The following CPNE8 variants were observed in gnomAD, a reference collection of about 807,000 sequenced individuals.
CPNE8 encodes the protein copine-8.
In CPNE8, 45 loss-of-function variants were observed where a neutral mutation model predicts 81.5. The ratio of observed to expected loss-of-function variants is 0.55; its 90% CI spans 0.44 to 0.71. The LOEUF (loss-of-function observed/expected upper bound fraction) is 0.71. CPNE8 is among the 30% of genes least tolerant of loss of function. The pLI is 0.00. For synonymous variants in CPNE8, 252 were observed against 226.3 expected, an observed-to-expected ratio of 1.11 and a Z score of -1.02; for missense variants, 594 against 672.1, an observed-to-expected ratio of 0.88 and a Z score of 1.28.
chr12:38,833,785 T>A (rs1449728426), intron 5 of CPNE8, among the ~76,000 whole-genome samples: 1 of 152,012 alleles, frequency 6.6e-6, no homozygotes, highest in Non-Finnish European at 1.5e-5. Context: ...GCCACCAATT[T>A]TTAAAAATTA....
At chr12:38,661,796 G>T (rs1938960219) in intron 19 of CPNE8, among the ~76,000 whole-genome samples, 1 of 151,276 alleles carries the variant, frequency 6.6e-6, no homozygotes, top group African/African-American at 2.4e-5. Flanking sequence ...ACATCAAAAA[G>T]ATTATACACC....
rs1941559028 is a variant in CPNE8, at chr12:38,760,905, CAT to C, written c.681-19_681-18del. 1 of 1,539,918 alleles carries C rather than the reference CAT, an allele frequency of 6.5e-7. No homozygotes were observed. The highest frequency in any genetic ancestry group is 2.3e-5 in the Admixed American group (1 of 42,790). On this transcript the variant is annotated intron_variant, in intron 9 of 19. Transcript: ENST00000331366. ...TTGATTGTTCTGTACATGAGAAAAA[CAT>C]ACACATAAAGTTACTTAGTAAGATC...
At chr12:38,852,428 CAAAAAA>C (rs138401295) in intron 3 of CPNE8, among the ~76,000 whole-genome samples, 1 of 75,210 alleles carries the variant, frequency 1.3e-5, no homozygotes. Flanking sequence ...AGCTCTGTCT[CAAAAAA>C]AAAAAAAAAA....
Position 38,829,370 on chromosome 12 carries a change from A to C in CPNE8, c.407+9T>G. ...TGGCATTTCATTGTCTGAATTAAAA[A>C]ATACTTACACTATTGGTTTTTCCAG... On this transcript the variant is annotated intron_variant, in intron 6 of 19. Transcript: ENST00000331366. 1 of 1,589,618 alleles carries C rather than the reference A, an allele frequency of 6.3e-7. No homozygotes were observed.
chr12:38,772,103 T>C (rs1425941042), intron 7 of CPNE8, among the ~76,000 whole-genome samples: 1 of 152,106 alleles, frequency 6.6e-6, no homozygotes, highest in Non-Finnish European at 1.5e-5. Context: ...TAAGAGTGGG[T>C]TTTTATAAAG....
chr12:38,738,080 G>A (rs1940996607), intron 10 of CPNE8, among the ~76,000 whole-genome samples: 1 of 152,152 alleles, frequency 6.6e-6, no homozygotes, highest in African/African-American at 2.4e-5. Context: ...TTGTGGAGCC[G>A]GCTACCAGTT....
intron 6 of CPNE8, among the ~76,000 whole-genome samples, chr12:38,820,858 C>G (rs1381462587): frequency 6.6e-6 from 1 of 152,196 alleles, no homozygotes; most frequent in African/African-American, 2.4e-5. Flanking sequence ...AATGGATGAT[C>G]TTCCTTTTGT....
chr12:38,902,790 T>A (rs1350850817), intron 1 of CPNE8, among the ~76,000 whole-genome samples: 1 of 152,254 alleles, frequency 6.6e-6, no homozygotes, highest in African/African-American at 2.4e-5. Flanking sequence ...AACACATTTA[T>A]TCAACAAATG....
chr12:38,740,512 A>C (rs1592052531), intron 10 of CPNE8, among the ~76,000 whole-genome samples: 1 of 152,302 alleles, frequency 6.6e-6, no homozygotes, highest in East Asian at 1.9e-4. Flanking sequence ...CCCATTCAGT[A>C]TGATATTGGC....
intron 6 of CPNE8, among the ~76,000 whole-genome samples, chr12:38,825,370 A>C (rs1008281234): frequency 2.0e-5 from 3 of 152,172 alleles, no homozygotes; most frequent in African/African-American, 7.2e-5. Context: ...CAGGAAAAAA[A>C]GTTAAAAAGT....
At chr12:38,823,706 C>A (rs1943143720) in intron 6 of CPNE8, among the ~76,000 whole-genome samples, 4 of 152,132 alleles carry the variant, frequency 2.6e-5, no homozygotes, top group Admixed American at 2.6e-4. Flanking sequence ...AGGCCTATTA[C>A]TTGAGGAACA....
At chr12:38,788,519 C>A (rs546323666) in intron 6 of CPNE8, among the ~76,000 whole-genome samples, 4 of 151,930 alleles carry the variant, frequency 2.6e-5, no homozygotes, top group Non-Finnish European at 4.4e-5. Context: ...TAGGTAAATA[C>A]TGAAAGCCTT....
intron 10 of CPNE8, among the ~76,000 whole-genome samples, chr12:38,739,332 T>G (rs1265009940): frequency 6.6e-6 from 1 of 152,138 alleles, no homozygotes; most frequent in Non-Finnish European, 1.5e-5. Context: ...TTCAACCAAA[T>G]GAGGCTCCCG....
intron 3 of CPNE8, among the ~76,000 whole-genome samples, chr12:38,850,137 A>G (rs1943622976): frequency 6.6e-6 from 1 of 152,184 alleles, no homozygotes; most frequent in African/African-American, 2.4e-5. Context: ...AGAACTGTGC[A>G]GAGGTCAGTA....
At position 38,896,377 on chromosome 12, in the gene CPNE8, G is replaced by T. The variant is rs1036368403; in HGVS notation, c.98+9060C>A. ...AACACTGAATGTTGTCATTAAGTTT[G>T]CCAATATTAAGGTATTGTGTATCAG... On this transcript the variant is annotated intron_variant, in intron 1 of 19. Coordinates refer to ENST00000331366, the MANE Select transcript of CPNE8 (RefSeq NM_153634.3). 5.3e-5 allele frequency among the ~76,000 whole-genome samples: 8 copies of T among 152,066 alleles called. No homozygotes were observed. The South Asian group carries it at 8.3e-4, about 16-fold the overall frequency.
At chr12:38,879,163 AC>A (rs1454856353) in intron 1 of CPNE8, among the ~76,000 whole-genome samples, 4 of 152,184 alleles carry the variant, frequency 2.6e-5, no homozygotes, top group African/African-American at 4.8e-5. Context: ...CAGCCTGTGC[AC>A]TGGGAATGCA....
chr12:38,858,623 A>G (rs1943782392), intron 3 of CPNE8, among the ~76,000 whole-genome samples: 1 of 152,216 alleles, frequency 6.6e-6, no homozygotes, highest in Admixed American at 6.5e-5. Context: ...TGTCACAGCA[A>G]TGGTAAACTG....
At chr12:38,780,901 GAAAA>G (rs952352605) in intron 6 of CPNE8, among the ~76,000 whole-genome samples, 1 of 151,762 alleles carries the variant, frequency 6.6e-6, no homozygotes, top group African/African-American at 2.4e-5. Flanking sequence ...GATCTAAGAT[GAAAA>G]AAGAAAGAAG....
At chr12:38,720,201 G>A (rs1490909686) in intron 13 of CPNE8, among the ~76,000 whole-genome samples, 1 of 152,212 alleles carries the variant, frequency 6.6e-6, no homozygotes, top group African/African-American at 2.4e-5. Context: ...CTATAAGTAG[G>A]AAGTGTGCAG....
Sources: gnomAD v4.1 joint callset for allele counts (sites outside exome capture counted in the v4.1 genomes callset) on GRCh38, gnomAD v4.1.1 for gene constraint, MANE v1.5 for transcripts, NCBI Gene and HGNC (gene_info 2026-07-23, HGNC 2026-07-21) for gene names.